Variants in CSMD1 observed in about 807,000 individuals in gnomAD.
The protein encoded by CSMD1 is CUB and sushi domain-containing protein 1.
CSMD1 carries 213 observed loss-of-function variants against 417.5 expected under a neutral mutation model. That is an observed-to-expected ratio of 0.51 (90% CI 0.46 to 0.57). The LOEUF (loss-of-function observed/expected upper bound fraction) is 0.57. Among genes scored for constraint, CSMD1 ranks in the 20% least tolerant of loss-of-function variants. The probability of loss-of-function intolerance (pLI) is 0.00; values close to 1 mark genes in which losing one functional copy is unlikely to be tolerated. For synonymous variants in CSMD1, 2,862 were observed against 1,736.8 expected, an observed-to-expected ratio of 1.65 and a Z score of -16.11; for missense variants, 6,923 against 4,529.7, an observed-to-expected ratio of 1.53 and a Z score of -15.17.
At chr8:4,757,517 C>A (rs969810511) in intron 1 of CSMD1, among the ~76,000 whole-genome samples, 2 of 152,186 alleles carry the variant, frequency 1.3e-5, no homozygotes, top group Admixed American at 6.5e-5. Context: ...AGAGGGAGAA[C>A]TGGGATTTGC....
intron 1 of CSMD1, among the ~76,000 whole-genome samples, chr8:4,905,389 A>G (rs1383605480): frequency 1.3e-5 from 2 of 152,104 alleles, no homozygotes; most frequent in Non-Finnish European, 2.9e-5. Context: ...ATATATATTT[A>G]CACAGTGTAT....
intron 2 of CSMD1, among the ~76,000 whole-genome samples, chr8:4,601,059 C>T (rs145910795): frequency 2.0e-5 from 3 of 151,102 alleles, no homozygotes; most frequent in African/African-American, 2.4e-5. Context: ...CAGGTTCAAG[C>T]GATTCTCCTG....
At chr8:3,606,142 C>T (rs1447822568) in intron 8 of CSMD1, among the ~76,000 whole-genome samples, 1 of 152,156 alleles carries the variant, frequency 6.6e-6, no homozygotes, top group East Asian at 1.9e-4. Context: ...TAAAGAGCCC[C>T]TCGTTCTGCA....
chr8:3,382,773 C>A (rs367679422), intron 18 of CSMD1, among the ~76,000 whole-genome samples: 16 of 151,440 alleles, frequency 1.1e-4, no homozygotes, highest in Non-Finnish European at 2.1e-4. Context: ...ATGGAGAATG[C>A]AACTATTTTT....
At chr8:4,840,067 G>A (rs1003712901) in intron 1 of CSMD1, among the ~76,000 whole-genome samples, 3 of 100,468 alleles carry the variant, frequency 3.0e-5, no homozygotes, top group African/African-American at 6.7e-5. Context: ...TCGGTGGACC[G>A]CATCCATAGG....
intron 3 of CSMD1, among the ~76,000 whole-genome samples, chr8:4,357,206 A>G (rs540702575): frequency 2.2e-4 from 33 of 152,310 alleles, no homozygotes; most frequent in African/African-American, 6.5e-4. Flanking sequence ...TTAAGTAGCT[A>G]AGGGTTTTCA....
chr8:4,839,536 T>G (rs1800711923), intron 1 of CSMD1, among the ~76,000 whole-genome samples: 1 of 152,152 alleles, frequency 6.6e-6, no homozygotes, highest in Non-Finnish European at 1.5e-5. Context: ...CAATTTCTTT[T>G]TCCACAAGAA....
At chr8:3,609,811 CTTTTTTTTTTT>C (rs71534362) in intron 8 of CSMD1, among the ~76,000 whole-genome samples, 5 of 75,262 alleles carry the variant, frequency 6.6e-5, no homozygotes, top group Non-Finnish European at 9.4e-5. Context: ...AGTATCTTCC[CTTTTTTTTTTT>C]TTTTTTTTTT....
chr8:3,861,214 G>A lies in CSMD1; in HGVS notation c.819-107172C>T, dbSNP rs144225131. On this transcript the variant is annotated intron_variant, in intron 5 of 69. Transcript: ENST00000635120. The stretch of plus-strand genomic sequence containing the variant: ...TGGCAACGAGGTTCAGTTGTCTAAT[G>A]TGATTGCAGTCGCCTGTGGGTTTCT... 5.3e-4 allele frequency among the ~76,000 whole-genome samples: 80 copies of A among 152,286 alleles called. 1 individual carries two copies. Among genetic ancestry groups the A allele is most frequent in the Middle Eastern group, 3.4e-3 (1 of 294 alleles).
chr8:3,097,829 G>A (rs1815431365), intron 46 of CSMD1, among the ~76,000 whole-genome samples: 1 of 152,124 alleles, frequency 6.6e-6, no homozygotes, highest in African/African-American at 2.4e-5. Flanking sequence ...CGGGACCCTG[G>A]GAAGAGGAAG....
intron 7 of CSMD1, among the ~76,000 whole-genome samples, chr8:3,690,591 G>C (rs1375954368): frequency 3.3e-5 from 5 of 152,148 alleles, no homozygotes; most frequent in African/African-American, 1.2e-4. Flanking sequence ...AGTGAGATGT[G>C]ATTCAACGGT....
intron 12 of CSMD1, among the ~76,000 whole-genome samples, chr8:3,435,092 G>A (rs993374104): frequency 6.6e-6 from 1 of 152,144 alleles, no homozygotes; most frequent in East Asian, 1.9e-4. Context: ...ATCCATGGAA[G>A]AGAGACGGAG....
chr8:4,175,664 G>A (rs1647302), intron 3 of CSMD1, among the ~76,000 whole-genome samples: 30,388 of 151,972 alleles, frequency 0.2, 3,164 homozygotes, highest in East Asian at 0.3. Context: ...CTATCTAAAG[G>A]TAAAGAAACT....
rs117118954 is a variant in CSMD1, at chr8:3,506,433, T to G, written c.1345-12707A>C. Among the ~76,000 whole-genome samples the G allele has an allele frequency of 3.3e-4, 50 of 152,256 alleles. No homozygotes were observed. In the East Asian group the frequency reaches 4.1e-3, roughly 12 times the overall value. Reference sequence around the variant, plus strand: ...TAGAGAGGAGAAGGTGCCGAATGGGTAAGTACTCACATTCTCACCACTGGT... The same window carrying G: ...TAGAGAGGAGAAGGTGCCGAATGGGGAAGTACTCACATTCTCACCACTGGT... On this transcript the variant is annotated intron_variant, in intron 10 of 69. Coordinates refer to ENST00000635120, the MANE Select transcript of CSMD1 (RefSeq NM_033225.6).
intron 2 of CSMD1, among the ~76,000 whole-genome samples, chr8:4,498,132 TTAAAG>T (rs1240670337): frequency 1.3e-5 from 2 of 152,168 alleles, no homozygotes; most frequent in Non-Finnish European, 2.9e-5. Flanking sequence ...TTTGTGGGAC[TTAAAG>T]TAACCTAATC....
At chr8:4,510,439 A>C (rs1802760514) in intron 2 of CSMD1, among the ~76,000 whole-genome samples, 1 of 140,582 alleles carries the variant, frequency 7.1e-6, no homozygotes, top group African/African-American at 2.6e-5. Flanking sequence ...ACTTTGTTCC[A>C]AACATACGCT....
chr8:4,297,537 C>A (rs754561507), intron 3 of CSMD1, among the ~76,000 whole-genome samples: 1 of 152,170 alleles, frequency 6.6e-6, no homozygotes, highest in Non-Finnish European at 1.5e-5. Context: ...AAACCCCTCA[C>A]ATATGATCAA....
chr8:4,222,785 T>G (rs1189032077), intron 3 of CSMD1, among the ~76,000 whole-genome samples: 8 of 152,282 alleles, frequency 5.3e-5, no homozygotes, highest in African/African-American at 1.9e-4. Context: ...CGAGTCATCA[T>G]TAAGGGCTGG....
intron 3 of CSMD1, among the ~76,000 whole-genome samples, chr8:4,401,483 T>C (rs911820457): frequency 2.0e-4 from 31 of 152,086 alleles, no homozygotes; most frequent in Admixed American, 2.0e-3. Flanking sequence ...AGCAGCACCA[T>C]CCCCTCACCC....
Sources: gnomAD v4.1 joint callset for allele counts (sites outside exome capture counted in the v4.1 genomes callset) on GRCh38, gnomAD v4.1.1 for gene constraint, MANE v1.5 for transcripts, NCBI Gene and HGNC (gene_info 2026-07-23, HGNC 2026-07-21) for gene names.